VILL: variants seen among roughly 807,000 people sequenced by gnomAD.
The protein encoded by VILL is villin like.
VILL carries 102 observed loss-of-function variants against 106.3 expected under a neutral mutation model. That is an observed-to-expected ratio of 0.96 (90% confidence interval 0.82 to 1.13). VILL has a LOEUF of 1.13. Ranked by LOEUF, VILL falls within the 50% of genes most tolerant of loss-of-function variation. The pLI is 0.00. For missense variants in VILL, 1,076 were observed against 1,116.6 expected (o/e 0.96, Z 0.52); for synonymous variants, 431 against 440.3 (o/e 0.98, Z 0.27).
chr3:37,998,477 G>A lies in VILL; in HGVS notation c.942+113G>A. On this transcript the variant is annotated intron_variant, in intron 9 of 19. Transcript: ENST00000383759. This position sits in a 1 kb window ranked among gnomAD's most constrained non-coding sequence, Gnocchi z 4.1. ...GAATCAGCCCTCCCCTAGAGTTTGA[G>A]TTGGGAAATCCTATGCTGGAGTCTT... is the stretch of plus-strand genomic sequence containing the variant. The A allele has an allele frequency of 3.1e-6, 3 of 971,182 alleles. No individual in the cohort carries two copies. Among genetic ancestry groups the A allele is most frequent in the Non-Finnish European group, 4.6e-6 (3 of 646,084 alleles). 60.2% of individuals were successfully genotyped at this position (971,182 alleles called of 1,614,324 possible).
rs1699737970 is a variant in VILL, at chr3:37,998,054, GC to G, written c.765-35del. 6.4e-7 allele frequency: 1 copy of G among 1,561,882 alleles called. No homozygotes were observed. Among genetic ancestry groups the G allele is most frequent in the African/African-American group, 1.4e-5 (1 of 73,394 alleles). ...TGGAGTGGAGACAGATCAGGGAGGG[GC>G]TGGGCTGGCCACTCCTGGGTTCCTG... On this transcript the variant is annotated intron_variant, in intron 7 of 19. Transcript: ENST00000383759. This position sits in a 1 kb window ranked among gnomAD's most constrained non-coding sequence, Gnocchi z 4.1.
chr3:38,003,221 C>T lies in VILL; in HGVS notation c.1713C>T (p.Ser571=). ...CACGGGTGGTGGTCACTGTCATTTC[C>T]AGGAAGAATGAGGAAACGGTGCTGG... ...EMARVVVTVI[S]RKNEETVLEG... Residue 571 remains serine, a synonymous_variant, in exon 15 of 20, where the codon TCC becomes TCT. Coordinates refer to ENST00000383759, the MANE Select transcript of VILL (RefSeq NM_015873.4). 3 of 1,614,000 alleles carry T rather than the reference C, an allele frequency of 1.9e-6. No individual in the cohort carries two copies. The highest frequency in any genetic ancestry group is 2.5e-6 in the Non-Finnish European group (3 of 1,179,960).
chr3:38,003,490 GGGTAACTTGCGTCTCTCA>G lies in VILL; in HGVS notation c.1805+179_1805+196del, dbSNP rs555181641. On this transcript the variant is annotated intron_variant, in intron 15 of 19. Transcript: ENST00000383759. ...CAGCCCACGCTTCGCTCCCAGGCCTGGGTAACTTGCGTCTCTCAGATGCTGGGGAGAGTGGGGGCAGTG... is the reference window on the plus strand; with the variant it reads ...CAGCCCACGCTTCGCTCCCAGGCCTGGATGCTGGGGAGAGTGGGGGCAGTG... 142 of 814,416 alleles carry G rather than the reference GGGTAACTTGCGTCTCTCA, an allele frequency of 1.7e-4. 3 individuals carry two copies. The East Asian group carries it at 2.3e-3, about 13-fold the overall frequency. 50.4% of individuals were successfully genotyped at this position (814,416 alleles called of 1,614,324 possible).
chr3:37,999,071 T>G (rs1215741195), intron 10 of VILL, 21 bp downstream of exon 10: 2 of 167,334 alleles, frequency 1.2e-5, no homozygotes, highest in Non-Finnish European at 1.9e-5. Context: ...GGGGCGGGGC[T>G]GACGGGGGCG....
chr3:37,988,820 C>G (rs551758874), upstream of VILL, among the ~76,000 whole-genome samples: 1 of 152,306 alleles, frequency 6.6e-6, no homozygotes, highest in South Asian at 2.1e-4. Flanking sequence ...CAAGATCATG[C>G]CATTGCACTC....
chr3:37,988,599 A>C (rs564424383), upstream of VILL, among the ~76,000 whole-genome samples: 1 of 152,358 alleles, frequency 6.6e-6, no homozygotes, highest in Non-Finnish European at 1.5e-5. Context: ...GTGGTGGCTT[A>C]CGCCTGTAAT....
chr3:37,993,420 G>A (rs1239395881), intron 1 of VILL, 167 bp from the exon 2 acceptor site: 9 of 511,904 alleles, frequency 1.8e-5, no homozygotes, highest in African/African-American at 7.7e-5. Flanking sequence ...ACCCTGTCTC[G>A]AAAAAACTGG....
At chr3:38,006,852 A>G in intron 19 of VILL, 90 bp from the exon 20 acceptor site, 1 of 1,512,928 alleles carries the variant, frequency 6.6e-7, no homozygotes, top group Non-Finnish European at 9.0e-7. Flanking sequence ...GGGAGTCCCA[A>G]GCCCTGGATG....
Position 37,998,647 on chromosome 3 carries a change from G to A in VILL, c.943-265G>A, listed in dbSNP as rs1699752049. 6.6e-6 allele frequency among the ~76,000 whole-genome samples: 1 copy of A among 152,162 alleles called. No individual in the cohort carries two copies. Among genetic ancestry groups the A allele is most frequent in the South Asian group, 2.1e-4 (1 of 4,834 alleles). On this transcript the variant is annotated intron_variant, in intron 9 of 19. Transcript: ENST00000383759. The surrounding 1 kb of genome is among the most constrained non-coding windows in gnomAD (Gnocchi z 4.1). ...GGTCCCGCTTTCTGAGGGTGGGGCTGGGGAGGAGACAGGGCTCTCTCTGTC... is the reference window on the plus strand; with the variant it reads ...GGTCCCGCTTTCTGAGGGTGGGGCTAGGGAGGAGACAGGGCTCTCTCTGTC...
rs1259185026 is a variant in VILL at position 38,005,907 on chromosome 3, T to G, written c.2066T>G (p.Val689Gly). 3 of 1,614,098 alleles carry G rather than the reference T, an allele frequency of 1.9e-6. No individual in the cohort carries two copies. The highest frequency in any genetic ancestry group is 2.5e-6 in the Non-Finnish European group (3 of 1,179,992). The change falls in exon 17 of 20, where the codon GTC becomes GGC. Residue 689 changes from valine (V) to glycine (G), a missense_variant. Physicochemically the swap from Val to Gly is moderately radical, Grantham distance 109. Transcript: ENST00000383759. ...AGCCCGGCCACACCCATCGTGCTGG[T>G]CAAGCAGGGCCATGAGCCTCCCACC... is the stretch of plus-strand genomic sequence containing the variant. ...GRSPATPIVL[V>G]KQGHEPPTFI...
rs1386930853 is a variant in VILL, at chr3:37,998,989, C to G, written c.1020C>G (p.Phe340Leu). Reference protein sequence around the residue: ...VVNDGAESAAFKQLFRTWSEK... With the variant: ...VVNDGAESAALKQLFRTWSEK... Reference sequence around the variant, plus strand: ...ACGACGGCGCCGAGTCGGCCGCGTTCAAGCAGCTCTTCCGGACTTGGTCTG... The same window carrying G: ...ACGACGGCGCCGAGTCGGCCGCGTTGAAGCAGCTCTTCCGGACTTGGTCTG... Residue 340 changes from phenylalanine to leucine, a missense_variant, in exon 10 of 20, where the codon TTC (phenylalanine) becomes TTG (leucine). Transcript: ENST00000383759. The surrounding 1 kb of genome is among the most constrained non-coding windows in gnomAD (Gnocchi z 4.1). 1.9e-6 allele frequency: 3 copies of G among 1,607,088 alleles called. No homozygotes were observed. In the Admixed American group the frequency reaches 5.0e-5, roughly 27 times the overall value.
upstream of VILL, among the ~76,000 whole-genome samples, chr3:37,989,455 T>G (rs1699585069): frequency 6.6e-6 from 1 of 152,144 alleles, no homozygotes; most frequent in Admixed American, 6.5e-5. Flanking sequence ...TGCTGCCATT[T>G]AGAGGCCTGA....
intron 16 of VILL, among the ~76,000 whole-genome samples, chr3:38,004,697 G>A (rs905953873): frequency 1.3e-5 from 2 of 152,214 alleles, no homozygotes; most frequent in African/African-American, 4.8e-5. Context: ...TGGCTCCAGC[G>A]ACAGTGCCTG....
In VILL at chr3:38,005,918, C is replaced by T. The variant is rs751381167; in HGVS notation, c.2077C>T (p.His693Tyr). The change falls in exon 17 of 20, where the codon CAT becomes TAT. Residue 693 changes from histidine to tyrosine, a missense_variant. By Grantham distance (83) the His-to-Tyr change is moderately conservative. Transcript: ENST00000383759. Reference protein sequence around the residue: ...ATPIVLVKQGHEPPTFIGWFF... With the variant: ...ATPIVLVKQGYEPPTFIGWFF... The stretch of plus-strand genomic sequence containing the variant: ...ACCCATCGTGCTGGTCAAGCAGGGC[C>T]ATGAGCCTCCCACCTTCATTGGATG... The T allele has an allele frequency of 1.2e-6, 2 of 1,614,118 alleles. No homozygotes were observed. Among genetic ancestry groups the T allele is most frequent in the South Asian group, 1.1e-5 (1 of 91,088 alleles).
At chr3:37,990,531 T>G (rs536591297), upstream of VILL, among the ~76,000 whole-genome samples, 1 of 152,332 alleles carries the variant, frequency 6.6e-6, no homozygotes, top group East Asian at 1.9e-4. The surrounding 1 kb of genome is among the most constrained non-coding windows in gnomAD (Gnocchi z 5.1). Context: ...CTTAGCCCAG[T>G]CCAGGCCTCC....
Position 38,001,442 on chromosome 3 carries a change from C to T in VILL, c.1183-14C>T. On this transcript the variant is annotated splice_polypyrimidine_tract_variant and intron_variant, in intron 11 of 19. Coordinates refer to ENST00000383759, the MANE Select transcript of VILL (RefSeq NM_015873.4). ...AGAGCAGCCACCTGTGCCCATTGGT[C>T]CCTTATTCCCCAGGTGTGGTGCATC... The T allele has an allele frequency of 1.9e-6, 3 of 1,613,052 alleles. No homozygotes were observed. Among genetic ancestry groups the T allele is most frequent in the Non-Finnish European group, 2.5e-6 (3 of 1,179,388 alleles).
rs959751014 is a variant in VILL, at chr3:38,003,407, A to G, written c.1805+94A>G. 3 of 1,427,706 alleles carry G rather than the reference A, an allele frequency of 2.1e-6. No homozygotes were observed. In the African/African-American group the frequency reaches 4.3e-5, roughly 20 times the overall value. 88.4% of individuals were successfully genotyped at this position (1,427,706 alleles called of 1,614,324 possible). A position where few individuals can be genotyped will look rare whatever the true frequency, so the allele number is the denominator to read the frequency against. On this transcript the variant is annotated intron_variant, in intron 15 of 19. Coordinates refer to ENST00000383759, the MANE Select transcript of VILL (RefSeq NM_015873.4). ...ACTGGGATTCACACAGAGAGCTGGC[A>G]AGACGAGACTAGAACCAAGGACTCT... is the stretch of plus-strand genomic sequence containing the variant.
At chr3:37,995,960 A>G in intron 5 of VILL, 113 bp downstream of exon 5, 1 of 783,534 alleles carries the variant, frequency 1.3e-6, no homozygotes, top group Non-Finnish European at 2.1e-6. Flanking sequence ...AGCTGTCAGC[A>G]TTCCCAGATG....
chr3:38,004,230 C>T, intron 15 of VILL, 25 bp from the exon 16 acceptor site: 1 of 1,595,888 alleles, frequency 6.3e-7, no homozygotes. Flanking sequence ...GGGTGGCTCA[C>T]AGCCTTGCTG....
Sources: allele counts gnomAD v4.1 joint callset (sites outside exome capture counted in the v4.1 genomes callset), GRCh38; gene constraint gnomAD v4.1.1; non-coding constraint Gnocchi (gnomAD v3.1); transcripts MANE v1.5; gene names NCBI Gene and HGNC (gene_info 2026-07-23, HGNC 2026-07-21).